Variants in STAB2 observed in about 807,000 individuals in gnomAD.
The protein encoded by STAB2 is stabilin 2, also known as stabilin-2.
Under a neutral mutation model 338.1 loss-of-function variants are expected in STAB2, and 288 were observed. The observed-to-expected ratio is 0.85, with a 90% CI of 0.77 to 0.94. STAB2 has a LOEUF of 0.94. Ranked by LOEUF, STAB2 falls within the 40% of genes least tolerant of loss-of-function variation. STAB2 has a pLI of 0.00. For synonymous variants in STAB2, 1,202 were observed against 1,193.3 expected (o/e 1.01, Z -0.15); for missense variants, 3,141 against 3,210.1 (o/e 0.98, Z 0.52).
intron 54 of STAB2, 74 bp from the exon 55 acceptor site, chr12:103,740,556 G>A (rs1332448051): frequency 1.3e-6 from 2 of 1,543,400 alleles, no homozygotes; most frequent in Non-Finnish European, 1.7e-6. Context: ...ACCTCCATGA[G>A]GGCACAGACT....
At chr12:103,677,046 C>G (rs1003190805) in intron 24 of STAB2, among the ~76,000 whole-genome samples, 3 of 152,156 alleles carry the variant, frequency 2.0e-5, no homozygotes, top group Non-Finnish European at 4.4e-5. Context: ...CTGAGAGGCC[C>G]GGGAGCTAGT....
chr12:103,762,928 C>T (rs1363359811), intron 67 of STAB2, among the ~76,000 whole-genome samples: 1 of 152,198 alleles, frequency 6.6e-6, no homozygotes, highest in Admixed American at 6.5e-5. Context: ...GCCGGGGCAG[C>T]AGCACAGCGG....
chr12:103,624,132 G>A (rs1957345627), intron 5 of STAB2, among the ~76,000 whole-genome samples: 1 of 152,326 alleles, frequency 6.6e-6, no homozygotes, highest in East Asian at 1.9e-4. Context: ...ACCCCCATAA[G>A]TTTGCAAACT....
chr12:103,661,118 G>A (rs927721750), intron 17 of STAB2, among the ~76,000 whole-genome samples: 4 of 151,462 alleles, frequency 2.6e-5, no homozygotes, highest in Admixed American at 2.0e-4. Context: ...GAGTCTGAGA[G>A]CATCTTCAGG....
chr12:103,607,248 C>A (rs1289947599), intron 3 of STAB2, among the ~76,000 whole-genome samples: 1 of 151,510 alleles, frequency 6.6e-6, no homozygotes, highest in African/African-American at 2.4e-5. Context: ...AATACATTTT[C>A]TCCCTTCCTC....
Position 103,703,154 on chromosome 12 carries a change from G to A in STAB2, c.3721G>A (p.Val1241Ile), listed in dbSNP as rs1157965825. 2 of 1,613,312 alleles carry A rather than the reference G, an allele frequency of 1.2e-6. No homozygotes were observed. Among genetic ancestry groups the A allele is most frequent in the East Asian group, 4.5e-5 (2 of 44,884 alleles). ...TTAACCCTGTTGTTCACAGCTCTAT[G>A]TAAATGAGGCTCCAATAAACTACAC... ...SFFLHNDQLYVNEAPINYTNV... is the reference protein window; with the variant it reads ...SFFLHNDQLYINEAPINYTNV... The change falls in exon 35 of 69, where the codon GTA becomes ATA. Residue 1241 changes from valine (V) to isoleucine (I), a missense_variant. Val to Ile is a conservative substitution (Grantham distance 29). Transcript: ENST00000388887.
At chr12:103,763,285 C>T (rs867580406) in intron 67 of STAB2, 1 of 582,446 alleles carries the variant, frequency 1.7e-6, no homozygotes, top group Middle Eastern at 4.8e-4. Context: ...TGGTGGTGAT[C>T]ACAAATGGGC....
At chr12:103,685,197 A>G (rs1158757613) in intron 27 of STAB2, 113 bp downstream of exon 27, 17 of 992,544 alleles carry the variant, frequency 1.7e-5, no homozygotes, top group Non-Finnish European at 2.5e-5. Context: ...GAGATTTTAC[A>G]TGAAGCAAGC....
chr12:103,735,135 C>T (rs1882008669), intron 51 of STAB2, among the ~76,000 whole-genome samples: 1 of 152,144 alleles, frequency 6.6e-6, no homozygotes, highest in African/African-American at 2.4e-5. Context: ...TTGAGGGGCA[C>T]AGTGCCACCC....
At chr12:103,756,322 A>G (rs1413209563) in intron 63 of STAB2, among the ~76,000 whole-genome samples, 2 of 152,226 alleles carry the variant, frequency 1.3e-5, no homozygotes, top group African/African-American at 4.8e-5. Flanking sequence ...AATAATGACA[A>G]CAACAGTAAT....
At position 103,706,910 on chromosome 12, in the gene STAB2, G is replaced by C. The variant is rs1188186501; in HGVS notation, c.4115G>C (p.Cys1372Ser). 4.3e-6 allele frequency: 7 copies of C among 1,614,252 alleles called. No homozygotes were observed. In the South Asian group the frequency reaches 7.7e-5, roughly 18 times the overall value. Residue 1372 changes from cysteine (C) to serine (S), a missense_variant, in exon 38 of 69, where the codon TGT (cysteine) becomes TCT (serine). By Grantham distance (112) the Cys-to-Ser change is moderately radical. Coordinates refer to ENST00000388887, the MANE Select transcript of STAB2 (RefSeq NM_017564.10). Reference sequence around the variant, plus strand: ...GATGGAGTGAATGGCACAGGTGTGTGTGAGTGTGGGGAGGGCTTCAGCGGC... The same window carrying C: ...GATGGAGTGAATGGCACAGGTGTGTCTGAGTGTGGGGAGGGCTTCAGCGGC... ...CLDGVNGTGV[C>S]ECGEGFSGTA...
At chr12:103,754,521 AC>A (rs1274588909) in intron 61 of STAB2, among the ~76,000 whole-genome samples, 2 of 152,044 alleles carry the variant, frequency 1.3e-5, no homozygotes, top group Admixed American at 1.3e-4. Context: ...AGAGAACCTG[AC>A]CCCAGATAAG....
At chr12:103,671,188 A>T (rs1247139099) in intron 22 of STAB2, among the ~76,000 whole-genome samples, 4 of 152,184 alleles carry the variant, frequency 2.6e-5, no homozygotes, top group Non-Finnish European at 5.9e-5. Context: ...ACAGTGGCTC[A>T]CACCTGTAAT....
intron 36 of STAB2, chr12:103,704,932 T>C (rs1192574836): frequency 4.9e-6 from 1 of 204,168 alleles, no homozygotes; most frequent in Non-Finnish European, 9.8e-6. Flanking sequence ...AGAGATTCCA[T>C]ATCCAAAACC....
Position 103,690,414 on chromosome 12 carries a change from A to G in STAB2, c.3183-10A>G, listed in dbSNP as rs568950230. ...TATTGAATTATAGCCTTTGTGGACTATTGTTTCAGGTACCATATGCTACTA... is the reference window on the plus strand; with the variant it reads ...TATTGAATTATAGCCTTTGTGGACTGTTGTTTCAGGTACCATATGCTACTA... On this transcript the variant is annotated splice_polypyrimidine_tract_variant and intron_variant, in intron 29 of 68. Coordinates refer to ENST00000388887, the MANE Select transcript of STAB2 (RefSeq NM_017564.10). 6.2e-7 allele frequency: 1 copy of G among 1,603,724 alleles called. No individual in the cohort carries two copies. The highest frequency in any genetic ancestry group is 8.5e-7 in the Non-Finnish European group (1 of 1,171,634).
rs905726057 is a variant in STAB2, at chr12:103,702,391, C to T, written c.3715-757C>T. ...TCGGCTCACTGCAAGCTCCGCTTCCCGGGTTCACGCCGTTCTCCTGCCTCA... is the reference window on the plus strand; with the variant it reads ...TCGGCTCACTGCAAGCTCCGCTTCCTGGGTTCACGCCGTTCTCCTGCCTCA... On this transcript the variant is annotated intron_variant, in intron 34 of 68. Coordinates refer to ENST00000388887, the MANE Select transcript of STAB2 (RefSeq NM_017564.10). Among the ~76,000 whole-genome samples, 64 of 152,050 alleles carry T rather than the reference C, an allele frequency of 4.2e-4. 1 individual carries two copies. Among genetic ancestry groups the T allele is most frequent in the African/African-American group, 1.5e-3 (63 of 41,486 alleles).
chr12:103,618,108 C>T (rs1192560527), intron 3 of STAB2, among the ~76,000 whole-genome samples: 2 of 152,210 alleles, frequency 1.3e-5, no homozygotes, highest in South Asian at 4.1e-4. Flanking sequence ...AAGTCTCTTT[C>T]TTCAAGAACT....
At chr12:103,708,650 C>T in intron 39 of STAB2, 114 bp downstream of exon 39, 1 of 979,040 alleles carries the variant, frequency 1.0e-6, no homozygotes, top group Non-Finnish European at 1.5e-6. Context: ...TGGCAATAAA[C>T]ATGATTCTTT....
intron 44 of STAB2, among the ~76,000 whole-genome samples, chr12:103,723,370 T>C (rs1331606472): frequency 6.6e-6 from 1 of 152,168 alleles, no homozygotes; most frequent in Non-Finnish European, 1.5e-5. Flanking sequence ...GAAACTCCCA[T>C]TTTTAAAACC....
Sources: gnomAD v4.1 joint callset for allele counts (sites outside exome capture counted in the v4.1 genomes callset) on GRCh38, gnomAD v4.1.1 for gene constraint, MANE v1.5 for transcripts, NCBI Gene and HGNC (gene_info 2026-07-23, HGNC 2026-07-21) for gene names.